Variants in RAD21L1 observed in about 807,000 individuals in gnomAD.
RAD21L1 encodes double-strand-break repair protein rad21-like protein 1.
In RAD21L1, 47 loss-of-function variants were observed where a neutral mutation model predicts 69.0. That is an observed-to-expected ratio of 0.68 (90% CI 0.54 to 0.87). The LOEUF (loss-of-function observed/expected upper bound fraction) is 0.87, where lower values mean the gene tolerates loss of function less well. Among genes scored for constraint, RAD21L1 ranks in the 40% least tolerant of loss-of-function variants. The pLI is 0.00. For missense variants in RAD21L1, 583 were observed against 647.6 expected (o/e 0.90, Z 1.08); for synonymous variants, 177 against 205.8 (o/e 0.86, Z 1.20).
chr20:1,238,051 A>G lies in RAD21L1; in HGVS notation c.483A>G (p.Glu161=). ...TGATATATATTTATTTAGGGGAGGA[A>G]TCTGAAATTCTCAGAAGACATAGCT... The part of the protein sequence containing the change: ...LIFQAESFGE[E]SEILRRHSFF... The change falls in exon 6 of 14, where the codon GAA becomes GAG. Residue 161 remains glutamate (E), a synonymous_variant. Coordinates refer to ENST00000683101, the MANE Select transcript of RAD21L1 (RefSeq NM_001384355.1). The G allele has an allele frequency of 6.7e-7, 1 of 1,493,782 alleles. No individual in the cohort carries two copies. The highest frequency in any genetic ancestry group is 9.1e-7 in the Non-Finnish European group (1 of 1,104,580). 92.5% of individuals were successfully genotyped at this position (1,493,782 alleles called of 1,614,324 possible). A position where few individuals can be genotyped will look rare whatever the true frequency, so the allele number is the denominator to read the frequency against.
intron 8 of RAD21L1, 29 bp from the exon 9 acceptor site, chr20:1,242,590 A>G (rs17779421): frequency 0.077 from 113,847 of 1,478,728 alleles, 4,784 homozygotes; most frequent in Admixed American, 0.13. Flanking sequence ...TGTATAACCA[A>G]TCACATTTGT....
chr20:1,226,739 C>T (rs1404578201), intron 1 of RAD21L1, among the ~76,000 whole-genome samples: 1 of 152,092 alleles, frequency 6.6e-6, no homozygotes, highest in African/African-American at 2.4e-5. Context: ...AAAAAGCCTC[C>T]GGGACGTGGG....
At chr20:1,251,797 C>A (rs1454327686) in intron 13 of RAD21L1, among the ~76,000 whole-genome samples, 1 of 151,630 alleles carries the variant, frequency 6.6e-6, no homozygotes, top group Non-Finnish European at 1.5e-5. Context: ...ACTAACTATT[C>A]TTTTATTTTA....
intron 12 of RAD21L1, among the ~76,000 whole-genome samples, 172 bp from the exon 13 acceptor site, chr20:1,248,454 A>T (rs2087760565): frequency 6.6e-6 from 1 of 152,154 alleles, no homozygotes; most frequent in African/African-American, 2.4e-5. Flanking sequence ...GGTGGTTTAT[A>T]TTTGTATGTT....
chr20:1,240,565 G>A (rs1459065205), intron 8 of RAD21L1, 131 bp downstream of exon 8: 3 of 1,344,040 alleles, frequency 2.2e-6, no homozygotes, highest in Non-Finnish European at 2.9e-6. Context: ...ACACAATAGA[G>A]GAGAAGACGG....
chr20:1,253,988 C>T (rs946476479), intron 13 of RAD21L1, among the ~76,000 whole-genome samples: 5 of 152,128 alleles, frequency 3.3e-5, no homozygotes, highest in African/African-American at 1.2e-4. Flanking sequence ...TTTATGTTAA[C>T]ATCAATTTTA....
chr20:1,231,717 C>G lies in RAD21L1; in HGVS notation c.368+98C>G, dbSNP rs189118866. ...TCAAATGGAATGTAGTTAACAACTG[C>G]ACAAGTACAGATGTAATTGATAAAG... On this transcript the variant is annotated intron_variant, in intron 4 of 13. Coordinates refer to ENST00000683101, the MANE Select transcript of RAD21L1 (RefSeq NM_001384355.1). 1.6e-4 allele frequency: 105 copies of G among 654,544 alleles called. No individual in the cohort carries two copies. In the African/African-American group the frequency reaches 1.8e-3, roughly 11 times the overall value. The allele number at this position is 654,544 out of a possible 1,614,324, so 40.5% of individuals were successfully genotyped here.
At chr20:1,244,284 A>G (rs1201718811) in intron 11 of RAD21L1, 114 bp downstream of exon 11, 1 of 752,018 alleles carries the variant, frequency 1.3e-6, no homozygotes, top group East Asian at 3.0e-5. Context: ...TTCATTTTAA[A>G]TTGTTTTGCA....
At chr20:1,227,499 G>C (rs1452044988) in intron 1 of RAD21L1, among the ~76,000 whole-genome samples, 1 of 152,180 alleles carries the variant, frequency 6.6e-6, no homozygotes, top group Non-Finnish European at 1.5e-5. Flanking sequence ...TGTTCGTCTT[G>C]GCTCAGTTTT....
At chr20:1,230,491 T>C in intron 3 of RAD21L1, 1 of 741,042 alleles carries the variant, frequency 1.3e-6, no homozygotes, top group Non-Finnish European at 1.6e-6. Flanking sequence ...ATATAATACC[T>C]TCAAAATTTA....
chr20:1,239,540 T>C (rs1269150310), intron 7 of RAD21L1, 133 bp downstream of exon 7: 1 of 566,482 alleles, frequency 1.8e-6, no homozygotes, highest in Non-Finnish European at 3.1e-6. Context: ...TTAGTCTGAC[T>C]GTAGACAATA....
chr20:1,226,720 T>C (rs1320666886), intron 1 of RAD21L1, among the ~76,000 whole-genome samples: 2 of 152,062 alleles, frequency 1.3e-5, no homozygotes, highest in Non-Finnish European at 2.9e-5. Context: ...CAGTTCAATC[T>C]GGAGACTGAA....
intron 13 of RAD21L1, among the ~76,000 whole-genome samples, chr20:1,253,729 G>T (rs2087881029): frequency 6.6e-6 from 1 of 152,158 alleles, no homozygotes; most frequent in African/African-American, 2.4e-5. Context: ...TTTTCAGTAG[G>T]TACACAGATG....
intron 5 of RAD21L1, among the ~76,000 whole-genome samples, chr20:1,235,686 C>CA (rs886675739): frequency 3.3e-5 from 5 of 152,174 alleles, no homozygotes; most frequent in African/African-American, 1.2e-4. Context: ...AACACATTGG[C>CA]AAAGAGGTAA....
intron 11 of RAD21L1, among the ~76,000 whole-genome samples, chr20:1,244,550 C>T (rs2087682545): frequency 6.6e-6 from 1 of 152,088 alleles, no homozygotes; most frequent in Non-Finnish European, 1.5e-5. Flanking sequence ...TAAATTCACC[C>T]AAGTATCTCT....
chr20:1,254,476 G>T lies in RAD21L1; in HGVS notation c.*19G>T, dbSNP rs1269728399. On this transcript the variant is annotated 3_prime_UTR_variant, in exon 14 of 14. Coordinates refer to ENST00000683101, the MANE Select transcript of RAD21L1 (RefSeq NM_001384355.1). ...CATATGAAGGAAACCCAGACATACA[G>T]ATTTATGGCATCACTGGAATTTCTG... 3 of 1,445,384 alleles carry T rather than the reference G, an allele frequency of 2.1e-6. No homozygotes were observed. Among genetic ancestry groups the T allele is most frequent in the East Asian group, 5.1e-5 (2 of 39,004 alleles). The allele number at this position is 1,445,384 out of a possible 1,614,324, so 89.5% of individuals were successfully genotyped here. A position where few individuals can be genotyped will look rare whatever the true frequency, so the allele number is the denominator to read the frequency against.
intron 5 of RAD21L1, 85 bp from the exon 6 acceptor site, chr20:1,237,959 T>C: frequency 3.0e-6 from 2 of 664,440 alleles, no homozygotes; most frequent in Non-Finnish European, 4.6e-6. Flanking sequence ...GATGACAAGA[T>C]TATGCTAGAT....
chr20:1,228,831 A>T (rs188970078), intron 2 of RAD21L1, among the ~76,000 whole-genome samples: 70 of 152,314 alleles, frequency 4.6e-4, no homozygotes, highest in African/African-American at 1.6e-3. Flanking sequence ...CAAAGGCCAT[A>T]TTTTATGCGT....
At chr20:1,227,981 C>G (rs985373386) in intron 1 of RAD21L1, among the ~76,000 whole-genome samples, 1 of 152,154 alleles carries the variant, frequency 6.6e-6, no homozygotes, top group Admixed American at 6.5e-5. Flanking sequence ...AATCAATAAT[C>G]CAATCCTTCT....
Sources: gnomAD v4.1 joint callset for allele counts (sites outside exome capture counted in the v4.1 genomes callset) on GRCh38, gnomAD v4.1.1 for gene constraint, MANE v1.5 for transcripts, NCBI Gene and HGNC (gene_info 2026-07-23, HGNC 2026-07-21) for gene names.